Variants in CPD observed in about 807,000 individuals in gnomAD.
CPD encodes metallocarboxypeptidase D.
In CPD, 69 loss-of-function variants were observed where a neutral mutation model predicts 138.3. The observed-to-expected ratio is 0.50, with a 90% CI of 0.41 to 0.61. CPD has a LOEUF of 0.61. Ranked by LOEUF, CPD falls within the 20% of genes least tolerant of loss-of-function variation. The pLI, the probability that CPD is intolerant of heterozygous loss-of-function variation, is 0.00. For synonymous variants in CPD, 651 were observed against 642.1 expected (o/e 1.01, Z -0.21); for missense variants, 1,432 against 1,733.3 (o/e 0.83, Z 3.09).
At chr17:30,380,354 G>T in intron 1 of CPD, 1 of 536,956 alleles carries the variant, frequency 1.9e-6, no homozygotes, top group Non-Finnish European at 2.6e-6. Context: ...TTGCCTATTT[G>T]ACAGAAGCTG....
At chr17:30,411,918 A>G (rs748991410) in intron 2 of CPD, among the ~76,000 whole-genome samples, 15 of 152,174 alleles carry the variant, frequency 9.9e-5, no homozygotes, top group Non-Finnish European at 2.2e-4. Flanking sequence ...AGGAGCTGCG[A>G]TCCTTTTCAG....
chr17:30,412,248 G>A (rs547457864), intron 2 of CPD, among the ~76,000 whole-genome samples: 136 of 152,276 alleles, frequency 8.9e-4, no homozygotes, highest in African/African-American at 3.2e-3. Context: ...TCCTCTGGAA[G>A]CATCATCCCA....
intron 2 of CPD, among the ~76,000 whole-genome samples, 196 bp from the exon 3 acceptor site, chr17:30,420,645 C>A (rs1267413612): frequency 1.3e-5 from 2 of 152,240 alleles, no homozygotes; most frequent in Non-Finnish European, 1.5e-5. Flanking sequence ...ACTATATATT[C>A]TTTTTCAATG....
chr17:30,402,885 TC>T (rs1429550141), intron 2 of CPD, among the ~76,000 whole-genome samples: 1 of 152,066 alleles, frequency 6.6e-6, no homozygotes, highest in Non-Finnish European at 1.5e-5. Flanking sequence ...GGCGGGCAGA[TC>T]ACCTGAGGTC....
chr17:30,464,503 T>C (rs1368084497), intron 20 of CPD, 85 bp from the exon 21 acceptor site: 33 of 1,008,556 alleles, frequency 3.3e-5, no homozygotes, highest in Non-Finnish European at 4.9e-5. Flanking sequence ...ATGAGGGGTA[T>C]ATTATTAAAA....
chr17:30,432,712 C>G (rs962436226), intron 8 of CPD, among the ~76,000 whole-genome samples: 2 of 151,836 alleles, frequency 1.3e-5, no homozygotes, highest in Non-Finnish European at 2.9e-5. Flanking sequence ...AGTTTGAGAC[C>G]AGACTGGGCA....
chr17:30,426,117 G>A (rs1218927228), intron 6 of CPD, among the ~76,000 whole-genome samples: 5 of 151,104 alleles, frequency 3.3e-5, no homozygotes, highest in South Asian at 4.2e-4. Context: ...GGAGAATGGC[G>A]TGAACCCAGG....
chr17:30,413,175 T>C (rs1403281242), intron 2 of CPD, among the ~76,000 whole-genome samples: 2 of 152,162 alleles, frequency 1.3e-5, no homozygotes, highest in Non-Finnish European at 2.9e-5. Context: ...ACCAATGTAG[T>C]AGTAAAAATT....
At chr17:30,428,313 A>C (rs1912474663) in intron 7 of CPD, among the ~76,000 whole-genome samples, 1 of 152,244 alleles carries the variant, frequency 6.6e-6, no homozygotes, top group Admixed American at 6.5e-5. Context: ...AACTGTGTCC[A>C]CACATAAACT....
chr17:30,449,075 T>A (rs1438761240), intron 12 of CPD, among the ~76,000 whole-genome samples: 9 of 152,102 alleles, frequency 5.9e-5, no homozygotes, highest in Admixed American at 5.9e-4. Flanking sequence ...GCCATTGCAT[T>A]CCAGCTTGGG....
intron 8 of CPD, among the ~76,000 whole-genome samples, chr17:30,435,976 A>G (rs1342752230): frequency 6.6e-6 from 1 of 152,156 alleles, no homozygotes. Flanking sequence ...CCTTTGTACA[A>G]GGACACCGTC....
chr17:30,459,183 T>TC (rs1913390163), intron 17 of CPD, among the ~76,000 whole-genome samples: 2 of 113,086 alleles, frequency 1.8e-5, no homozygotes, highest in Admixed American at 9.3e-5. Flanking sequence ...TTTTCCTTTT[T>TC]TTTAATTTAT....
chr17:30,457,895 T>C (rs1487134736), intron 17 of CPD, among the ~76,000 whole-genome samples: 1 of 152,128 alleles, frequency 6.6e-6, no homozygotes, highest in Non-Finnish European at 1.5e-5. Flanking sequence ...GTTCTTTATA[T>C]ATTAATATAA....
At chr17:30,400,735 G>A (rs994917892) in intron 2 of CPD, among the ~76,000 whole-genome samples, 4 of 123,738 alleles carry the variant, frequency 3.2e-5, no homozygotes, top group African/African-American at 9.3e-5. Context: ...TCAGCTCACC[G>A]CAAGCTTTGC....
At chr17:30,462,544 T>C (rs1045387218) in intron 20 of CPD, 75 bp downstream of exon 20, 26 of 957,800 alleles carry the variant, frequency 2.7e-5, no homozygotes, top group Admixed American at 1.3e-4. Flanking sequence ...GGGTCACCTC[T>C]CTCATATTGA....
chr17:30,400,571 T>C (rs1911627123), intron 2 of CPD, among the ~76,000 whole-genome samples: 1 of 151,978 alleles, frequency 6.6e-6, no homozygotes, highest in South Asian at 2.1e-4. Context: ...GAGCCTTCTT[T>C]AGCATTTCTT....
intron 2 of CPD, among the ~76,000 whole-genome samples, chr17:30,392,057 C>T (rs556641476): frequency 3.1e-4 from 47 of 150,536 alleles, no homozygotes; most frequent in South Asian, 1.5e-3. Flanking sequence ...TCACCCAGGC[C>T]GGAGTGAAGT....
intron 2 of CPD, among the ~76,000 whole-genome samples, chr17:30,420,554 CTAT>C (rs1230310168): frequency 3.3e-5 from 5 of 152,142 alleles, no homozygotes; most frequent in Non-Finnish European, 5.9e-5. Context: ...CACAAAGCTG[CTAT>C]TATTATTGTT....
At chr17:30,460,450 AC>A (rs1913440060) in intron 17 of CPD, among the ~76,000 whole-genome samples, 1 of 152,218 alleles carries the variant, frequency 6.6e-6, no homozygotes, top group South Asian at 2.1e-4. Flanking sequence ...AATTATCTAG[AC>A]AAAAAGTAAT....
Sources: allele counts gnomAD v4.1 joint callset (sites outside exome capture counted in the v4.1 genomes callset), GRCh38; gene constraint gnomAD v4.1.1; transcripts MANE v1.5; gene names NCBI Gene and HGNC (gene_info 2026-07-23, HGNC 2026-07-21).